Variants in FNDC3B observed in about 807,000 individuals in gnomAD.
FNDC3B encodes the protein fibronectin type III domain-containing protein 3B.
Under a neutral mutation model 151.5 loss-of-function variants are expected in FNDC3B, and 12 were observed. That is an observed-to-expected ratio of 0.08 (90% CI 0.05 to 0.13). The LOEUF is 0.13. Among genes scored for constraint, FNDC3B ranks in the 10% least tolerant of loss-of-function variants. The probability of loss-of-function intolerance (pLI) is 1.00; values close to 1 mark genes in which losing one functional copy is unlikely to be tolerated. For missense variants in FNDC3B, 1,214 were observed against 1,505.3 expected, an observed-to-expected ratio of 0.81 and a Z score of 3.20; for synonymous variants, 528 against 549.0, an observed-to-expected ratio of 0.96 and a Z score of 0.54.
intron 3 of FNDC3B, among the ~76,000 whole-genome samples, chr3:172,191,330 G>A (rs1002341792): frequency 2.0e-5 from 3 of 152,116 alleles, no homozygotes; most frequent in Non-Finnish European, 2.9e-5. Context: ...CATTTGCTTC[G>A]TGCTGGGCAA....
chr3:172,363,933 C>G (rs1322816919), intron 23 of FNDC3B, among the ~76,000 whole-genome samples: 2 of 152,148 alleles, frequency 1.3e-5, no homozygotes, highest in African/African-American at 4.8e-5. Context: ...AGGCAGAGAC[C>G]ATCTGGTTTA....
At position 172,251,265 on chromosome 3, in the gene FNDC3B, A is replaced by G. The variant is rs1424715910; in HGVS notation, c.514A>G (p.Ile172Val). 3.7e-6 allele frequency: 6 copies of G among 1,606,398 alleles called. No individual in the cohort carries two copies. The highest frequency in any genetic ancestry group is 2.7e-5 in the African/African-American group (2 of 74,510). The change falls in exon 6 of 26, where the codon ATA (isoleucine) becomes GTA (valine). Residue 172 changes from isoleucine (I) to valine (V), a missense_variant. Around this residue, in one of 7 missense-constraint regions of FNDC3B, gnomAD observed 166 missense variants for 173.2 expected, o/e 0.96. Transcript: ENST00000415807. ...PHTIYGEQEI[I>V]PFYGMSTYIT... ...ATCATAATCATCCATTTTAGAAATT[A>G]TACCATTTTATGGAATGTCAACCTA...
intron 3 of FNDC3B, among the ~76,000 whole-genome samples, chr3:172,183,911 T>C (rs1724046078): frequency 6.6e-6 from 1 of 152,180 alleles, no homozygotes; most frequent in African/African-American, 2.4e-5. Flanking sequence ...TGATTTGCAT[T>C]AATATTACTA....
chr3:172,386,720 G>C (rs1316837484), intron 25 of FNDC3B, among the ~76,000 whole-genome samples: 1 of 139,598 alleles, frequency 7.2e-6, no homozygotes, highest in Non-Finnish European at 1.5e-5. Context: ...CAGCCTAGGG[G>C]ACAGAGCGAG....
intron 1 of FNDC3B, among the ~76,000 whole-genome samples, chr3:172,093,607 C>G (rs1309377687): frequency 6.6e-6 from 1 of 152,106 alleles, no homozygotes; most frequent in Non-Finnish European, 1.5e-5. Context: ...CTGTGTCGCC[C>G]AGGGTGGTCT....
At chr3:172,240,126 C>G (rs1282757714) in intron 4 of FNDC3B, among the ~76,000 whole-genome samples, 1 of 152,148 alleles carries the variant, frequency 6.6e-6, no homozygotes, top group Non-Finnish European at 1.5e-5. Flanking sequence ...CCACCTCGGC[C>G]TCCCAGAGTG....
chr3:172,059,067 G>A (rs762099833), intron 1 of FNDC3B, among the ~76,000 whole-genome samples: 38 of 151,658 alleles, frequency 2.5e-4, no homozygotes, highest in Non-Finnish European at 3.8e-4. Flanking sequence ...CTTCCATAAT[G>A]TTTATTTTCC....
At chr3:172,326,180 CAA>C (rs1423909806) in intron 11 of FNDC3B, among the ~76,000 whole-genome samples, 1 of 152,160 alleles carries the variant, frequency 6.6e-6, no homozygotes. Flanking sequence ...TTCTTTTATT[CAA>C]AACTTCTCTC....
chr3:172,046,321 C>T (rs1033477646), intron 1 of FNDC3B, among the ~76,000 whole-genome samples: 3 of 152,110 alleles, frequency 2.0e-5, no homozygotes, highest in African/African-American at 7.2e-5. Context: ...TAGACATTGG[C>T]TCCTAATTTT....
At chr3:172,226,104 A>G (rs1644073847) in intron 3 of FNDC3B, among the ~76,000 whole-genome samples, 1 of 152,058 alleles carries the variant, frequency 6.6e-6, no homozygotes, top group African/African-American at 2.4e-5. Context: ...TCAGGAGTTC[A>G]AGACCAGCCT....
At chr3:172,333,257 T>C in intron 14 of FNDC3B, 82 bp downstream of exon 14, 1 of 902,388 alleles carries the variant, frequency 1.1e-6, no homozygotes, top group Admixed American at 1.9e-5. Flanking sequence ...AGATTGACTC[T>C]ACAGGTTAAA....
chr3:172,067,533 A>G (rs1478245996), intron 1 of FNDC3B, among the ~76,000 whole-genome samples: 1 of 152,212 alleles, frequency 6.6e-6, no homozygotes, highest in Non-Finnish European at 1.5e-5. Flanking sequence ...AAATAAAAGT[A>G]CACTTTCTTA....
In FNDC3B at chr3:172,251,422, G is replaced by T. The variant is rs148603564; in HGVS notation, c.671G>T (p.Gly224Val). The change falls in exon 6 of 26, where the codon GGC becomes GTC. Residue 224 changes from glycine to valine, a missense_variant. This residue lies in a region of FNDC3B where 166 missense variants were observed against 173.2 expected (regional missense o/e 0.96). Coordinates refer to ENST00000415807, the MANE Select transcript of FNDC3B (RefSeq NM_022763.4). ...YKSSCTTVYN[G>V]YGKGHSGGSG... ...AGCAGCTGCACAACAGTATACAATGGCTATGGGAAGGGCCATAGTGGTGGA... is the reference window on the plus strand; with the variant it reads ...AGCAGCTGCACAACAGTATACAATGTCTATGGGAAGGGCCATAGTGGTGGA... The T allele has an allele frequency of 9.8e-5, 158 of 1,614,006 alleles. 1 individual carries two copies. The highest frequency in any genetic ancestry group is 3.1e-5 in the Non-Finnish European group (37 of 1,180,012).
intron 3 of FNDC3B, among the ~76,000 whole-genome samples, chr3:172,183,833 C>A (rs1724042018): frequency 1.3e-5 from 2 of 152,136 alleles, no homozygotes; most frequent in Admixed American, 6.5e-5. Context: ...TGATGACTTT[C>A]CAGTATTTTA....
rs1467072217 is a variant in FNDC3B, at chr3:172,401,011, C to T, written c.*3536C>T. 2.0e-5 allele frequency: 3 copies of T among 151,640 alleles called. No individual in the cohort carries two copies. The highest frequency in any genetic ancestry group is 4.4e-5 in the Non-Finnish European group (3 of 67,978). 9.4% of individuals were successfully genotyped at this position (151,640 alleles called of 1,614,324 possible). ...AATCTCGGCTCACTGCAAGCTCCACCTCCCGGGTTCATGCCATTCTCCTGC... is the reference window on the plus strand; with the variant it reads ...AATCTCGGCTCACTGCAAGCTCCACTTCCCGGGTTCATGCCATTCTCCTGC... On this transcript the variant is annotated 3_prime_UTR_variant, in exon 26 of 26. Transcript: ENST00000415807.
chr3:172,231,298 G>C (rs992165201), intron 4 of FNDC3B, among the ~76,000 whole-genome samples: 1 of 152,190 alleles, frequency 6.6e-6, no homozygotes, highest in Non-Finnish European at 1.5e-5. Flanking sequence ...CCAGGAGTTG[G>C]GGGGAAGGAG....
chr3:172,105,948 G>C (rs1233071138), intron 1 of FNDC3B, among the ~76,000 whole-genome samples: 2 of 152,206 alleles, frequency 1.3e-5, no homozygotes, highest in African/African-American at 4.8e-5. Flanking sequence ...TTTACATGTT[G>C]TTATGTTTAA....
chr3:172,327,252 C>T (rs1057327676), intron 11 of FNDC3B, among the ~76,000 whole-genome samples: 3 of 152,154 alleles, frequency 2.0e-5, no homozygotes, highest in Non-Finnish European at 4.4e-5. Flanking sequence ...CATCTGAATG[C>T]ACCTTGAACC....
At chr3:172,237,578 C>G (rs905294012) in intron 4 of FNDC3B, 1 of 152,190 alleles carries the variant, frequency 6.6e-6, no homozygotes, top group Non-Finnish European at 1.5e-5. Context: ...GCCTGGGCAA[C>G]ACAGTGAGAC....
Sources: allele counts gnomAD v4.1 joint callset (sites outside exome capture counted in the v4.1 genomes callset), GRCh38; gene constraint gnomAD v4.1.1; regional missense constraint gnomAD v4.1.1; transcripts MANE v1.5; gene names NCBI Gene and HGNC (gene_info 2026-07-23, HGNC 2026-07-21).